Variants in PPM1B observed in about 807,000 individuals in gnomAD.
PPM1B encodes protein phosphatase 1B.
In PPM1B, 22 loss-of-function variants were observed where a neutral mutation model predicts 43.0. That is an observed-to-expected ratio of 0.51 (90% CI 0.37 to 0.73). The LOEUF is 0.73. PPM1B is among the 30% of genes least tolerant of loss of function. The probability of loss-of-function intolerance (pLI) is 0.00; values close to 1 mark genes in which losing one functional copy is unlikely to be tolerated. For synonymous variants in PPM1B, 217 were observed against 197.9 expected (o/e 1.10, Z -0.81); for missense variants, 632 against 584.2 (o/e 1.08, Z -0.84).
At chr2:44,183,784 G>T (rs1311816245) in intron 1 of PPM1B, among the ~76,000 whole-genome samples, 1 of 152,094 alleles carries the variant, frequency 6.6e-6, no homozygotes, top group African/African-American at 2.4e-5. Flanking sequence ...AGTCGCCCAG[G>T]CTGGAGTGCA....
At chr2:44,188,247 C>G (rs1330137717) in intron 1 of PPM1B, among the ~76,000 whole-genome samples, 1 of 152,208 alleles carries the variant, frequency 6.6e-6, no homozygotes, top group South Asian at 2.1e-4. Flanking sequence ...TCCTGTTATT[C>G]TATGGAAGCC....
chr2:44,231,944 G>A (rs540440297), downstream of PPM1B, among the ~76,000 whole-genome samples: 19 of 152,164 alleles, frequency 1.2e-4, no homozygotes, highest in African/African-American at 2.6e-4. Context: ...TTAACTTTTC[G>A]TCTTTACGTT....
chr2:44,206,782 A>G (rs1004023014), intron 2 of PPM1B, among the ~76,000 whole-genome samples: 1 of 152,028 alleles, frequency 6.6e-6, no homozygotes, highest in Non-Finnish European at 1.5e-5. Flanking sequence ...GGCTAGTCTC[A>G]AACTCCTGGC....
intron 1 of PPM1B, among the ~76,000 whole-genome samples, chr2:44,192,165 T>TTTATGTTATGTTATG (rs1298660828): frequency 5.9e-5 from 8 of 135,770 alleles, no homozygotes; most frequent in African/African-American, 2.2e-4. Flanking sequence ...TTATTTTTAT[T>TTTATGTTATGTTATG]TTATGTTATG....
chr2:44,238,262 G>A (rs959062881), downstream of PPM1B, among the ~76,000 whole-genome samples: 2 of 152,004 alleles, frequency 1.3e-5, no homozygotes, highest in Non-Finnish European at 2.9e-5. Flanking sequence ...GTACCATGGG[G>A]TTTATTTTCA....
At chr2:44,205,354 G>GGTGTGTGTCGGGGTGTGTGTGTGT (rs1669134921) in intron 2 of PPM1B, among the ~76,000 whole-genome samples, 1 of 91,720 alleles carries the variant, frequency 1.1e-5, no homozygotes, top group African/African-American at 3.4e-5. Context: ...TGTGGGTGTG[G>GGTGTGTGTCGGGGTGTGTGTGTGT]GTGTGTGTGT....
chr2:44,170,877 A>G (rs780105606), intron 1 of PPM1B, among the ~76,000 whole-genome samples: 17 of 152,234 alleles, frequency 1.1e-4, no homozygotes, highest in Non-Finnish European at 2.2e-4. Context: ...TATTTAGAAC[A>G]GAATATTTTA....
chr2:44,180,597 A>G (rs920880264), intron 1 of PPM1B, among the ~76,000 whole-genome samples: 8 of 152,234 alleles, frequency 5.3e-5, no homozygotes, highest in Admixed American at 5.2e-4. Flanking sequence ...TTCTTGAAGA[A>G]GGATCTTTTT....
At chr2:44,243,520 T>C (rs1020180543) in intron 5 of PPM1B, among the ~76,000 whole-genome samples, 3 of 152,178 alleles carry the variant, frequency 2.0e-5, no homozygotes, top group African/African-American at 7.2e-5. Flanking sequence ...ATATTTGTAC[T>C]TTAATACAAC....
In PPM1B at chr2:44,241,857, C is replaced by CTTTTT. The variant is rs397984437; in HGVS notation, n.1547-2356_1547-2352dup. On this transcript the variant is annotated intron_variant and non_coding_transcript_variant, in intron 5 of 5. Coordinates refer to the PPM1B transcript ENST00000378540. ...GTTATAATAAGTATTAGAAAATAAT[C>CTTTTT]TTTTTTTTTTTTTTTTTTTGAGACG... Among the ~76,000 whole-genome samples the CTTTTT allele has an allele frequency of 2.8e-3, 251 of 90,920 alleles. 75 individuals are homozygous for CTTTTT. The highest frequency in any genetic ancestry group is 4.8e-3 in the East Asian group (13 of 2,698). The allele number at this position is 90,920 out of a possible 152,430, so 59.6% of individuals were successfully genotyped here.
intron 1 of PPM1B, among the ~76,000 whole-genome samples, chr2:44,190,474 T>C (rs1382402144): frequency 6.6e-6 from 1 of 152,222 alleles, no homozygotes; most frequent in East Asian, 1.9e-4. Flanking sequence ...TATTTGATTT[T>C]GAGAAAATAT....
intron 1 of PPM1B, among the ~76,000 whole-genome samples, chr2:44,193,964 T>C (rs577065223): frequency 4.0e-4 from 61 of 152,302 alleles, no homozygotes; most frequent in African/African-American, 1.4e-3. Flanking sequence ...TCCTCCTACC[T>C]TGAACTCCCA....
chr2:44,184,538 T>C (rs1434089518), intron 1 of PPM1B, among the ~76,000 whole-genome samples: 1 of 152,202 alleles, frequency 6.6e-6, no homozygotes, highest in Non-Finnish European at 1.5e-5. Flanking sequence ...TGCCCCCGAA[T>C]TTATGTCTTC....
intron 1 of PPM1B, among the ~76,000 whole-genome samples, chr2:44,194,967 C>T (rs1668590992): frequency 6.8e-6 from 1 of 148,044 alleles, no homozygotes; most frequent in East Asian, 2.1e-4. Flanking sequence ...GGCGCAATCA[C>T]TGCAGCCTCC....
chr2:44,214,578 G>C (rs906409992), intron 3 of PPM1B, among the ~76,000 whole-genome samples: 11 of 152,130 alleles, frequency 7.2e-5, no homozygotes, highest in Non-Finnish European at 1.5e-5. Flanking sequence ...TAACTAAGGA[G>C]CTGAGTGCTT....
chr2:44,217,414 AG>A (rs1036684798), intron 3 of PPM1B, among the ~76,000 whole-genome samples: 9 of 151,748 alleles, frequency 5.9e-5, no homozygotes, highest in Non-Finnish European at 7.4e-5. Context: ...AAAAAAAAAA[AG>A]CTGTAGAATG....
chr2:44,220,230 AGT>A (rs1558424582), intron 5 of PPM1B, among the ~76,000 whole-genome samples: 1 of 151,332 alleles, frequency 6.6e-6, no homozygotes, highest in Non-Finnish European at 1.5e-5. Flanking sequence ...GGTGTTTCAA[AGT>A]GTCAACCCTC....
intron 3 of PPM1B, chr2:44,209,544 G>T (rs2104176122): frequency 4.8e-6 from 2 of 420,918 alleles, no homozygotes; most frequent in South Asian, 5.9e-5. Flanking sequence ...CACTTTGGCA[G>T]GCTGAGGCGG....
At chr2:44,203,334 C>T (rs1441445447) in intron 2 of PPM1B, among the ~76,000 whole-genome samples, 3 of 152,064 alleles carry the variant, frequency 2.0e-5, no homozygotes, top group Non-Finnish European at 4.4e-5. Flanking sequence ...TGTCAGTGAT[C>T]AAATAGTAAG....
Sources: gnomAD v4.1 joint callset for allele counts (sites outside exome capture counted in the v4.1 genomes callset) on GRCh38, gnomAD v4.1.1 for gene constraint, MANE v1.5 for transcripts, NCBI Gene and HGNC (gene_info 2026-07-23, HGNC 2026-07-21) for gene names.